MARCHF1: variants seen among roughly 807,000 people sequenced by gnomAD.
MARCHF1 encodes the protein E3 ubiquitin-protein ligase MARCHF1.
In MARCHF1, 40 loss-of-function variants were observed where a neutral mutation model predicts 54.2. The observed-to-expected ratio is 0.74, with a 90% CI of 0.57 to 0.96. MARCHF1 has a LOEUF of 0.96. Among genes scored for constraint, MARCHF1 ranks in the 40% least tolerant of loss-of-function variants. The probability of loss-of-function intolerance (pLI) is 0.00; values close to 1 mark genes in which losing one functional copy is unlikely to be tolerated. For missense variants in MARCHF1, 586 were observed against 656.5 expected (o/e 0.89, Z 1.17); for synonymous variants, 236 against 236.3 (o/e 1.00, Z 0.01).
At chr4:164,116,360 G>A (rs1390880665) in intron 1 of MARCHF1, among the ~76,000 whole-genome samples, 1 of 151,960 alleles carries the variant, frequency 6.6e-6, no homozygotes, top group East Asian at 1.9e-4. Context: ...TTTTCATAAA[G>A]GGCAAATAAC....
chr4:163,943,082 C>A (rs949925698), intron 3 of MARCHF1, among the ~76,000 whole-genome samples: 1 of 152,104 alleles, frequency 6.6e-6, no homozygotes, highest in Non-Finnish European at 1.5e-5. Context: ...CTTATAATTG[C>A]TGGATATTAG....
At chr4:164,095,871 A>G (rs1330135670) in intron 2 of MARCHF1, among the ~76,000 whole-genome samples, 2 of 152,156 alleles carry the variant, frequency 1.3e-5, no homozygotes, top group Non-Finnish European at 1.5e-5. Context: ...ATGACATACC[A>G]TCTCACACAG....
At chr4:163,856,074 C>A (rs1749760926) in intron 3 of MARCHF1, among the ~76,000 whole-genome samples, 1 of 152,150 alleles carries the variant, frequency 6.6e-6, no homozygotes, top group African/African-American at 2.4e-5. Flanking sequence ...AAGGTGACTG[C>A]CTGCTCCCCC....
At chr4:164,050,098 A>T (rs1216532650) in intron 2 of MARCHF1, among the ~76,000 whole-genome samples, 1 of 151,730 alleles carries the variant, frequency 6.6e-6, no homozygotes. Flanking sequence ...AACATGGTAA[A>T]GCCCTATCTC....
chr4:164,253,245 T>C lies in MARCHF1; in HGVS notation c.-323+130625A>G, dbSNP rs78019636. ...AAATACTGTGGGAGAAGAATTTAAA[T>C]TGAGAAATCTTGAAATAGTTCAACT... On this transcript the variant is annotated intron_variant, in intron 1 of 9. Transcript: ENST00000514618. Among the ~76,000 whole-genome samples, 1,109 of 152,208 alleles carry C rather than the reference T, an allele frequency of 7.3e-3. 10 individuals carry two copies. Among genetic ancestry groups the C allele is most frequent in the Non-Finnish European group, 0.012 (830 of 67,992 alleles).
At chr4:163,921,921 T>G (rs772956122) in intron 3 of MARCHF1, among the ~76,000 whole-genome samples, 4 of 152,130 alleles carry the variant, frequency 2.6e-5, no homozygotes, top group Non-Finnish European at 5.9e-5. Context: ...CATGCACACA[T>G]ATGTTTATTG....
intron 2 of MARCHF1, among the ~76,000 whole-genome samples, chr4:163,994,774 CACA>C (rs1297010116): frequency 3.7e-4 from 30 of 80,894 alleles, no homozygotes; most frequent in Non-Finnish European, 6.8e-4. Context: ...CACACACACA[CACA>C]CACACACACA....
chr4:163,994,760 C>CACAA lies in MARCHF1; in HGVS notation c.-247-6052_-247-6051insTTGT, dbSNP rs1469130680. Reference sequence around the variant, plus strand: ...ACACATACACACACACACACACACACACACACACACACACACACACACACA... The same window carrying CACAA: ...ACACATACACACACACACACACACACACAAACACACACACACACACACACACACA... On this transcript the variant is annotated intron_variant, in intron 2 of 9. Transcript: ENST00000514618. Among the ~76,000 whole-genome samples the CACAA allele has an allele frequency of 8.5e-3, 1,046 of 123,484 alleles. 12 individuals carry two copies. Among genetic ancestry groups the CACAA allele is most frequent in the African/African-American group, 0.026 (896 of 34,130 alleles). 81.0% of individuals were successfully genotyped at this position (123,484 alleles called of 152,430 possible). A position where few individuals can be genotyped will look rare whatever the true frequency, so the allele number is the denominator to read the frequency against.
intron 1 of MARCHF1, among the ~76,000 whole-genome samples, chr4:164,185,926 T>C (rs1283109909): frequency 6.6e-6 from 1 of 152,156 alleles, no homozygotes; most frequent in Non-Finnish European, 1.5e-5. Flanking sequence ...GGAATCTCGC[T>C]CTTGTTACCC....
intron 3 of MARCHF1, among the ~76,000 whole-genome samples, chr4:163,892,694 T>C (rs907412638): frequency 2.0e-5 from 3 of 152,098 alleles, no homozygotes; most frequent in African/African-American, 7.2e-5. Context: ...TTTATGTATT[T>C]ATGTTTGCCA....
At chr4:164,243,281 C>G (rs1306772703) in intron 1 of MARCHF1, among the ~76,000 whole-genome samples, 1 of 135,256 alleles carries the variant, frequency 7.4e-6, no homozygotes, top group African/African-American at 2.7e-5. Flanking sequence ...GCGGATCTCT[C>G]GGCAGAAACC....
chr4:163,790,523 C>G (rs1281540210), intron 4 of MARCHF1, among the ~76,000 whole-genome samples: 5 of 152,078 alleles, frequency 3.3e-5, no homozygotes, highest in Non-Finnish European at 7.4e-5. Context: ...GTCTCTTAAG[C>G]TATGCAAAGA....
intron 1 of MARCHF1, among the ~76,000 whole-genome samples, chr4:164,358,262 G>A (rs893482232): frequency 5.3e-5 from 8 of 152,118 alleles, no homozygotes; most frequent in Admixed American, 1.3e-4. Flanking sequence ...CATCCTCTTG[G>A]AATGCCTAGA....
At chr4:163,794,232 G>A (rs1747850764) in intron 4 of MARCHF1, among the ~76,000 whole-genome samples, 1 of 152,028 alleles carries the variant, frequency 6.6e-6, no homozygotes, top group Non-Finnish European at 1.5e-5. Flanking sequence ...CTGTTTTGTG[G>A]ATTACTGAAA....
rs181886193 is a variant in MARCHF1 at position 164,170,137 on chromosome 4, T to A, written c.-322-58475A>T. Among the ~76,000 whole-genome samples the A allele has an allele frequency of 1.7e-4, 26 of 152,268 alleles. 1 individual carries two copies. The highest frequency in any genetic ancestry group is 3.1e-4 in the Non-Finnish European group (21 of 67,988). On this transcript the variant is annotated intron_variant, in intron 1 of 9. Coordinates refer to ENST00000514618, the MANE Select transcript of MARCHF1 (RefSeq NM_001394959.1). ...TGAAAGGATAACACCTTAGGTCCTA[T>A]GAATATGAGCCAGCTCTTAGAATTA...
At chr4:164,218,113 G>A (rs553996523) in intron 1 of MARCHF1, among the ~76,000 whole-genome samples, 1 of 151,812 alleles carries the variant, frequency 6.6e-6, no homozygotes, top group South Asian at 2.1e-4. Context: ...GCATAATAAG[G>A]TAAAACTATA....
chr4:164,040,839 T>C (rs1754113279), intron 2 of MARCHF1, among the ~76,000 whole-genome samples: 1 of 152,054 alleles, frequency 6.6e-6, no homozygotes. Context: ...GAAAATAAGG[T>C]TGGCCATTTT....
intron 2 of MARCHF1, among the ~76,000 whole-genome samples, chr4:164,016,314 C>A (rs1332001254): frequency 6.6e-6 from 1 of 152,064 alleles, no homozygotes; most frequent in Admixed American, 6.6e-5. Flanking sequence ...ATAAAGCCAT[C>A]AGATCTCATG....
intron 7 of MARCHF1, 42 bp downstream of exon 7, chr4:163,612,229 C>T: frequency 7.0e-7 from 1 of 1,425,486 alleles, no homozygotes; most frequent in Non-Finnish European, 9.1e-7. Context: ...GCAAAAAGAA[C>T]TATATATGGA....
Sources: allele counts gnomAD v4.1 joint callset (sites outside exome capture counted in the v4.1 genomes callset), GRCh38; gene constraint gnomAD v4.1.1; transcripts MANE v1.5; gene names NCBI Gene and HGNC (gene_info 2026-07-23, HGNC 2026-07-21).